The following MBNL1 variants were observed in gnomAD, a reference collection of about 807,000 sequenced individuals.
MBNL1 encodes the protein muscleblind-like protein 1.
MBNL1 carries 8 observed loss-of-function variants against 42.2 expected under a neutral mutation model. The ratio of observed to expected loss-of-function variants is 0.19; its 90% confidence interval spans 0.11 to 0.34. The LOEUF (loss-of-function observed/expected upper bound fraction) is 0.34, where lower values mean the gene tolerates loss of function less well. MBNL1 is among the 10% of genes least tolerant of loss of function. The pLI is 1.00. For missense variants in MBNL1, 309 were observed against 495.3 expected, an observed-to-expected ratio of 0.62 and a Z score of 3.57; for synonymous variants, 169 against 173.9, an observed-to-expected ratio of 0.97 and a Z score of 0.22.
At chr3:152,452,164 C>T (rs1416279113) in intron 6 of MBNL1, among the ~76,000 whole-genome samples, 2 of 152,124 alleles carry the variant, frequency 1.3e-5, no homozygotes, top group Non-Finnish European at 1.5e-5. Context: ...TTGTTTTAAC[C>T]TTCCCCTTTC....
chr3:152,388,660 A>G (rs1166232839), intron 2 of MBNL1, among the ~76,000 whole-genome samples: 1 of 152,208 alleles, frequency 6.6e-6, no homozygotes, highest in Non-Finnish European at 1.5e-5. Context: ...AGGATAGGAT[A>G]GAAAGGGGCA....
In MBNL1 at chr3:152,252,941, G is replaced by C. The variant is rs1288894067; in HGVS notation, n.333+8501G>C. On this transcript the variant is annotated intron_variant and non_coding_transcript_variant, in intron 2 of 2. Coordinates refer to the MBNL1 transcript ENST00000477171. ...TAAACCCTAAAATTCATAATAGGAA[G>C]AGAAATTTGTGGTTGGTGTCGAAAG... is the stretch of plus-strand genomic sequence containing the variant. Among the ~76,000 whole-genome samples, 7 of 152,164 alleles carry C rather than the reference G, an allele frequency of 4.6e-5. No homozygotes were observed. The South Asian group carries it at 1.2e-3, about 27-fold the overall frequency.
At chr3:152,302,430 A>G (rs1207232732) in intron 2 of MBNL1, 1 of 152,192 alleles carries the variant, frequency 6.6e-6, no homozygotes, top group African/African-American at 2.4e-5. Flanking sequence ...TAAAATAATT[A>G]TGTTAAGCAT....
intron 2 of MBNL1, chr3:152,341,095 A>C: frequency 1.7e-6 from 1 of 602,720 alleles, no homozygotes; most frequent in Non-Finnish European, 2.6e-6. Context: ...TAGACTTCAA[A>C]GTATAACTAA....
chr3:152,249,873 G>A (rs1345764664), intron 2 of MBNL1, among the ~76,000 whole-genome samples: 1 of 148,722 alleles, frequency 6.7e-6, no homozygotes, highest in African/African-American at 2.5e-5. Flanking sequence ...TATTAAATAG[G>A]GAATCCTTTC....
chr3:152,249,552 C>A (rs1224974335), intron 2 of MBNL1, among the ~76,000 whole-genome samples: 1 of 137,776 alleles, frequency 7.3e-6, no homozygotes, highest in African/African-American at 2.6e-5. Flanking sequence ...CGAAAATTTT[C>A]TCCCATTTTG....
chr3:152,274,639 A>G (rs1006695242), intron 1 of MBNL1, among the ~76,000 whole-genome samples: 2 of 152,312 alleles, frequency 1.3e-5, no homozygotes, highest in Admixed American at 6.5e-5. Context: ...TATTCTATTC[A>G]GCAATGGTTC....
chr3:152,379,452 T>G (rs776239256), intron 2 of MBNL1, among the ~76,000 whole-genome samples: 4 of 152,218 alleles, frequency 2.6e-5, no homozygotes, highest in Admixed American at 6.5e-5. Flanking sequence ...ATGAGTTATA[T>G]TTTTGGAAAA....
chr3:152,350,391 A>G (rs2094824923), intron 2 of MBNL1, among the ~76,000 whole-genome samples: 1 of 152,098 alleles, frequency 6.6e-6, no homozygotes, highest in Admixed American at 6.6e-5. Flanking sequence ...ATTGGGAGGT[A>G]ATGCATGAGG....
At chr3:152,407,956 A>G (rs1359922447) in intron 2 of MBNL1, among the ~76,000 whole-genome samples, 1 of 152,120 alleles carries the variant, frequency 6.6e-6, no homozygotes, top group Non-Finnish European at 1.5e-5. Flanking sequence ...GAGGGGAACA[A>G]CATACACTGG....
intron 3 of MBNL1, among the ~76,000 whole-genome samples, chr3:152,416,443 TTAGC>T (rs1221886087): frequency 6.6e-6 from 1 of 152,180 alleles, no homozygotes; most frequent in Non-Finnish European, 1.5e-5. Context: ...GTTAAAAAAA[TTAGC>T]TATAATAATT....
intron 2 of MBNL1, among the ~76,000 whole-genome samples, chr3:152,253,364 G>A (rs982674570): frequency 1.3e-5 from 2 of 152,020 alleles, no homozygotes; most frequent in African/African-American, 4.8e-5. Flanking sequence ...ATATTCCAAT[G>A]CTGACCAGAA....
intron 2 of MBNL1, among the ~76,000 whole-genome samples, chr3:152,307,755 A>G (rs577192481): frequency 4.6e-5 from 7 of 152,352 alleles, no homozygotes; most frequent in Admixed American, 1.3e-4. Context: ...TTCCATATGC[A>G]TATTCTAAGG....
At chr3:152,402,003 G>T (rs2098244340) in intron 2 of MBNL1, among the ~76,000 whole-genome samples, 1 of 148,526 alleles carries the variant, frequency 6.7e-6, no homozygotes, top group African/African-American at 2.5e-5. Flanking sequence ...CTGCACTCCA[G>T]CCTGGGTGAC....
At chr3:152,248,034 A>G (rs983586299) in intron 2 of MBNL1, among the ~76,000 whole-genome samples, 16 of 151,930 alleles carry the variant, frequency 1.1e-4, no homozygotes, top group Admixed American at 6.6e-5. Context: ...CACATTCTCA[A>G]AATTTTTCTC....
intron 4 of MBNL1, 22 bp downstream of exon 4, chr3:152,432,942 CTT>C: frequency 6.3e-7 from 1 of 1,578,528 alleles, no homozygotes; most frequent in Non-Finnish European, 8.7e-7. Context: ...TAGTTGGTGT[CTT>C]TATATACTAC....
At chr3:152,277,568 A>G (rs77748992) in intron 1 of MBNL1, among the ~76,000 whole-genome samples, 4 of 148,892 alleles carry the variant, frequency 2.7e-5, no homozygotes, top group Non-Finnish European at 6.0e-5. Context: ...AATGATTTAC[A>G]TACAGGAATC....
intron 1 of MBNL1, among the ~76,000 whole-genome samples, chr3:152,270,629 T>G (rs2040885316): frequency 6.6e-6 from 1 of 152,216 alleles, no homozygotes; most frequent in African/African-American, 2.4e-5. Context: ...ATGTCTTAGA[T>G]GTAGTTATAG....
intron 1 of MBNL1, among the ~76,000 whole-genome samples, chr3:152,278,850 G>A (rs1166932280): frequency 2.0e-5 from 3 of 152,104 alleles, no homozygotes; most frequent in Admixed American, 1.3e-4. Flanking sequence ...GAGGGAGATC[G>A]AAAGTATAAT....
Sources: gnomAD v4.1 joint callset for allele counts (sites outside exome capture counted in the v4.1 genomes callset) on GRCh38, gnomAD v4.1.1 for gene constraint, MANE v1.5 for transcripts, NCBI Gene and HGNC (gene_info 2026-07-23, HGNC 2026-07-21) for gene names.